GCN1: variants seen among roughly 807,000 people sequenced by gnomAD.
The protein encoded by GCN1 is stalled ribosome sensor GCN1.
A neutral mutation model predicts 288.4 loss-of-function variants in GCN1; 90 were observed. The ratio of observed to expected loss-of-function variants is 0.31; its 90% CI spans 0.26 to 0.37. The LOEUF (loss-of-function observed/expected upper bound fraction) is 0.37, where lower values mean the gene tolerates loss of function less well. GCN1 is among the 10% of genes least tolerant of loss of function. The probability of loss-of-function intolerance (pLI) is 1.00; values close to 1 mark genes in which losing one functional copy is unlikely to be tolerated. For missense variants in GCN1, 2,586 were observed against 3,419.9 expected (o/e 0.76, Z 6.08); for synonymous variants, 1,386 against 1,420.2 (o/e 0.98, Z 0.54).
At chr12:120,149,794 G>T in intron 35 of GCN1, 74 bp from the exon 36 acceptor site, 1 of 1,522,872 alleles carries the variant, frequency 6.6e-7, no homozygotes, top group Non-Finnish European at 9.1e-7. Context: ...CAGTCCTAGC[G>T]TTCCTCCTAT....
At chr12:120,187,456 T>C (rs552006732) in intron 2 of GCN1, among the ~76,000 whole-genome samples, 1 of 152,106 alleles carries the variant, frequency 6.6e-6, no homozygotes, top group Non-Finnish European at 1.5e-5. Flanking sequence ...CCTCAGGTGA[T>C]CCATCCTCCT....
intron 4 of GCN1, 53 bp from the exon 5 acceptor site, chr12:120,183,730 C>T (rs1878738280): frequency 2.0e-5 from 21 of 1,059,920 alleles, no homozygotes; most frequent in Admixed American, 6.8e-5. Context: ...ACCTTGAGGA[C>T]GAACACTGTC....
chr12:120,169,062 G>A (rs1380117070), intron 15 of GCN1, among the ~76,000 whole-genome samples: 2 of 152,170 alleles, frequency 1.3e-5, no homozygotes, highest in Non-Finnish European at 2.9e-5. Flanking sequence ...TTGGGAGGCT[G>A]AGGTGGGTGG....
chr12:120,160,221 A>G lies in GCN1; in HGVS notation c.2471T>C (p.Val824Ala). ...CTCCTTCTGCTTGCTGGTCAGCTGC[A>G]CCTCCTCTTTGATGCCTTTCTTCTT... is the stretch of plus-strand genomic sequence containing the variant. ...IKKKKGIKEE[V>A]QLTSKQKEML... Residue 824 changes from valine to alanine, a missense_variant, in exon 23 of 58, where the codon GTG (valine) becomes GCG (alanine). Physicochemically the swap from Val to Ala is moderately conservative, Grantham distance 64. Coordinates refer to ENST00000300648, the MANE Select transcript of GCN1 (RefSeq NM_006836.2). The G allele has an allele frequency of 6.2e-7, 1 of 1,612,142 alleles. No homozygotes were observed. Among genetic ancestry groups the G allele is most frequent in the South Asian group, 1.1e-5 (1 of 91,056 alleles).
intron 10 of GCN1, 46 bp from the exon 11 acceptor site, chr12:120,175,920 T>C (rs748791851): frequency 6.3e-7 from 1 of 1,579,670 alleles, no homozygotes; most frequent in South Asian, 1.2e-5. Context: ...CAACTGAGCA[T>C]CCAGACTTTC....
At chr12:120,160,670 T>C (rs1351637029) in intron 22 of GCN1, among the ~76,000 whole-genome samples, 1 of 152,214 alleles carries the variant, frequency 6.6e-6, no homozygotes, top group Non-Finnish European at 1.5e-5. Context: ...TATAGTGGCC[T>C]GAGACAACAA....
chr12:120,168,536 G>A (rs995646472), intron 15 of GCN1: 23 of 439,332 alleles, frequency 5.2e-5, no homozygotes, highest in Admixed American at 4.6e-4. Flanking sequence ...CTTCTCATCC[G>A]GAATTCCCAT....
intron 16 of GCN1, among the ~76,000 whole-genome samples, chr12:120,165,049 ATAT>A (rs1401833957): frequency 4.7e-5 from 7 of 147,732 alleles, no homozygotes; most frequent in African/African-American, 1.0e-4. Flanking sequence ...ATATATATAT[ATAT>A]TTTTTTTTTT....
At chr12:120,174,389 T>A (rs1311405389) in intron 12 of GCN1, among the ~76,000 whole-genome samples, 2 of 152,176 alleles carry the variant, frequency 1.3e-5, no homozygotes, top group Non-Finnish European at 2.9e-5. Context: ...CAAGTCCCTC[T>A]TGTCAAGCAG....
chr12:120,180,558 T>C (rs974756727), intron 5 of GCN1, among the ~76,000 whole-genome samples: 16 of 151,714 alleles, frequency 1.1e-4, no homozygotes, highest in African/African-American at 3.6e-4. Context: ...TGAGACGAGA[T>C]AGCGCCACTG....
In GCN1 at chr12:120,177,815, G is replaced by A. The variant is rs916819126; in HGVS notation, c.661-63C>T. 2.6e-5 allele frequency: 32 copies of A among 1,207,634 alleles called. No individual in the cohort carries two copies. In the Admixed American group the frequency reaches 4.9e-4, roughly 19 times the overall value. 74.8% of individuals were successfully genotyped at this position (1,207,634 alleles called of 1,614,324 possible). On this transcript the variant is annotated intron_variant, in intron 7 of 57. Transcript: ENST00000300648. Reference sequence around the variant, plus strand: ...TCAAGTATCTCATCACTGGCCTAAGGGGTCCCTCTTGTGAGAGTGCCTCCA... The same window carrying A: ...TCAAGTATCTCATCACTGGCCTAAGAGGTCCCTCTTGTGAGAGTGCCTCCA...
At chr12:120,172,184 T>C (rs1418969922) in intron 14 of GCN1, among the ~76,000 whole-genome samples, 1 of 152,088 alleles carries the variant, frequency 6.6e-6, no homozygotes, top group Non-Finnish European at 1.5e-5. Context: ...TTTTAAGTCA[T>C]GGATGTGAGT....
At chr12:120,150,624 C>G (rs777394923) in intron 34 of GCN1, among the ~76,000 whole-genome samples, 2 of 151,048 alleles carry the variant, frequency 1.3e-5, no homozygotes, top group Non-Finnish European at 2.9e-5. Context: ...AAACCTCTCT[C>G]AGCTAAGGGT....
At chr12:120,181,152 C>T (rs1233758266) in intron 5 of GCN1, among the ~76,000 whole-genome samples, 3 of 151,836 alleles carry the variant, frequency 2.0e-5, no homozygotes, top group Non-Finnish European at 4.4e-5. Context: ...CAGAGGACTC[C>T]CTATATATAG....
At chr12:120,184,956 C>G (rs1878776213) in intron 2 of GCN1, 69 bp from the exon 3 acceptor site, 3 of 1,024,208 alleles carry the variant, frequency 2.9e-6, no homozygotes, top group Non-Finnish European at 4.6e-6. Context: ...GTCAGGTATT[C>G]TGCCCAGACA....
intron 16 of GCN1, among the ~76,000 whole-genome samples, chr12:120,164,996 C>T (rs1449274623): frequency 9.2e-6 from 1 of 108,878 alleles, no homozygotes; most frequent in African/African-American, 3.4e-5. Context: ...CATATATACA[C>T]ATATATACAC....
At chr12:120,148,016 G>A in intron 37 of GCN1, 151 bp downstream of exon 37, 1 of 616,258 alleles carries the variant, frequency 1.6e-6, no homozygotes, top group South Asian at 2.0e-5. Context: ...AACTGCTCCT[G>A]AGCCAATGAC....
In GCN1 at chr12:120,170,194, C is replaced by T. The variant is rs751657516; in HGVS notation, c.1494G>A (p.Lys498=). 1.9e-6 allele frequency: 3 copies of T among 1,614,194 alleles called. No individual in the cohort carries two copies. Among genetic ancestry groups the T allele is most frequent in the Admixed American group, 1.7e-5 (1 of 60,016 alleles). Residue 498 remains lysine, a synonymous_variant, in exon 15 of 58, where the codon AAG becomes AAA. Coordinates refer to ENST00000300648, the MANE Select transcript of GCN1 (RefSeq NM_006836.2). The stretch of plus-strand genomic sequence containing the variant: ...CAGCCTGTGAGTCAGCCACTGACAA[C>T]TTTAAGAGCAACAAGGCTGCGGCAA... ...EGVAAALLLL[K]LSVADSQAEA... is the part of the protein sequence containing the mutation.
At position 120,149,727 on chromosome 12, in the gene GCN1, G is replaced by T. The variant is rs775191123; in HGVS notation, c.4432-7C>A. On this transcript the variant is annotated splice_region_variant and splice_polypyrimidine_tract_variant and intron_variant, in intron 35 of 57. Transcript: ENST00000300648. ...TGGCACAGTCATCTGCAGCCTCAAGGGGGGAGAAAACACATTCAGGGGCCT... is the reference window on the plus strand; with the variant it reads ...TGGCACAGTCATCTGCAGCCTCAAGTGGGGAGAAAACACATTCAGGGGCCT... The T allele has an allele frequency of 3.4e-5, 55 of 1,610,818 alleles. No homozygotes were observed. Among genetic ancestry groups the T allele is most frequent in the Middle Eastern group, 3.3e-4 (2 of 6,074 alleles).
Sources: gnomAD v4.1 joint callset for allele counts (sites outside exome capture counted in the v4.1 genomes callset) on GRCh38, gnomAD v4.1.1 for gene constraint, MANE v1.5 for transcripts, NCBI Gene and HGNC (gene_info 2026-07-23, HGNC 2026-07-21) for gene names.